Variants in UGT2A3 observed in about 807,000 individuals in gnomAD.
The protein encoded by UGT2A3 is UDP glucuronosyltransferase family 2 member A3, also known as UDP-glucuronosyltransferase 2A3.
In UGT2A3, 55 loss-of-function variants were observed where a neutral mutation model predicts 44.1. The observed-to-expected ratio is 1.25, with a 90% CI of 1.00 to 1.56. The LOEUF is 1.56. UGT2A3 is among the 40% of genes most tolerant of loss of function. The pLI is 0.00. For synonymous variants in UGT2A3, 243 were observed against 215.1 expected, an observed-to-expected ratio of 1.13 and a Z score of -1.13; for missense variants, 733 against 621.6, an observed-to-expected ratio of 1.18 and a Z score of -1.91.
At chr4:68,942,520 TATATATATATATATATATAC>T (rs897137355) in intron 2 of UGT2A3, among the ~76,000 whole-genome samples, 8 of 6,292 alleles carry the variant, frequency 1.3e-3, no homozygotes, top group Non-Finnish European at 5.8e-3. Context: ...TATATATATA[TATATATATATATATATATAC>T]ATTTTCCAAT....
intron 2 of UGT2A3, among the ~76,000 whole-genome samples, chr4:68,935,399 TG>T (rs1347693988): frequency 6.6e-6 from 1 of 150,490 alleles, no homozygotes; most frequent in African/African-American, 2.4e-5. Flanking sequence ...CAGCCTCTTC[TG>T]GTGATACCAG....
intron 2 of UGT2A3, among the ~76,000 whole-genome samples, chr4:68,942,461 A>G (rs1718225047): frequency 7.0e-6 from 1 of 143,288 alleles, no homozygotes; most frequent in Admixed American, 7.3e-5. Context: ...CTTTATTTCT[A>G]TTATATATTA....
At chr4:68,935,544 C>T (rs754223557) in intron 2 of UGT2A3, among the ~76,000 whole-genome samples, 18 of 150,622 alleles carry the variant, frequency 1.2e-4, no homozygotes, top group Admixed American at 2.6e-4. Context: ...CACACCAAAA[C>T]CCCATCTGTA....
intron 2 of UGT2A3, among the ~76,000 whole-genome samples, chr4:68,942,504 GAT>G (rs34118122): frequency 0.013 from 1,707 of 130,768 alleles, 32 homozygotes; most frequent in African/African-American, 0.048. Flanking sequence ...TTCCACTGGA[GAT>G]ATATATATAT....
chr4:68,930,479 A>G (rs1717688241), intron 5 of UGT2A3, 67 bp downstream of exon 5: 1 of 1,391,918 alleles, frequency 7.2e-7, no homozygotes. Context: ...GATGATATTT[A>G]ACATTTTCTG....
rs117745632 is a variant in UGT2A3 at position 68,944,555 on chromosome 4, G to C, written c.864+751C>G. On this transcript the variant is annotated intron_variant, in intron 2 of 5. Coordinates refer to ENST00000251566, the MANE Select transcript of UGT2A3 (RefSeq NM_024743.4). ...TTTCCTCTGATGATTTAGGAATATA[G>C]TATACAATTTTATTTTCACTCCAAA... Among the ~76,000 whole-genome samples the C allele has an allele frequency of 5.9e-3, 896 of 151,850 alleles. 38 individuals are homozygous for C. The East Asian group carries it at 0.11, about 19-fold the overall frequency.
At chr4:68,948,823 C>G (rs10006282) in intron 1 of UGT2A3, among the ~76,000 whole-genome samples, 1 of 151,572 alleles carries the variant, frequency 6.6e-6, no homozygotes, top group African/African-American at 2.4e-5. Context: ...TACAAAGGAA[C>G]AACTGAGGCT....
rs140403131 is a variant in UGT2A3 at position 68,951,086 on chromosome 4, G to A, written c.675C>T (p.Tyr225=). The A allele has an allele frequency of 3.7e-4, 587 of 1,605,880 alleles. 7 individuals carry two copies. The highest frequency in any genetic ancestry group is 3.5e-3 in the South Asian group (312 of 89,568). Residue 225 remains tyrosine, a synonymous_variant, in exon 1 of 6, where the codon TAC becomes TAT. Transcript: ENST00000251566. ...SVLFHFWIQD[Y]DYHFWEEFYS... is the part of the protein sequence containing the mutation. ...AAAACTCTTCCCAAAAATGATAGTC[G>A]TAATCCTGAATCCAGAAGTGGAACA...
intron 2 of UGT2A3, among the ~76,000 whole-genome samples, chr4:68,942,690 C>A (rs13132528): frequency 2.0e-5 from 3 of 150,772 alleles, no homozygotes; most frequent in African/African-American, 4.9e-5. Flanking sequence ...ATCCCTTATA[C>A]GTGGAATCAA....
intron 1 of UGT2A3, among the ~76,000 whole-genome samples, chr4:68,949,595 C>G (rs541070619): frequency 6.6e-6 from 1 of 151,836 alleles, no homozygotes; most frequent in African/African-American, 2.4e-5. Context: ...GGAAATATTA[C>G]GCCAAATTGA....
intron 2 of UGT2A3, among the ~76,000 whole-genome samples, chr4:68,935,918 G>T (rs183969227): frequency 6.6e-6 from 1 of 151,894 alleles, no homozygotes; most frequent in East Asian, 1.9e-4. Context: ...TGACACATGC[G>T]CAAGCTTCAA....
intron 2 of UGT2A3, among the ~76,000 whole-genome samples, chr4:68,933,315 T>C (rs532849281): frequency 1.3e-5 from 2 of 152,058 alleles, no homozygotes; most frequent in African/African-American, 4.8e-5. Context: ...CAAACCAAAA[T>C]AGCATCAGTC....
At chr4:68,950,973 T>A in intron 1 of UGT2A3, 73 bp downstream of exon 1, 1 of 1,103,434 alleles carries the variant, frequency 9.1e-7, no homozygotes, top group Non-Finnish European at 1.3e-6. Context: ...ATATATGTCA[T>A]AGACAATGTA....
intron 2 of UGT2A3, among the ~76,000 whole-genome samples, chr4:68,942,874 A>T (rs1718251261): frequency 6.6e-6 from 1 of 151,688 alleles, no homozygotes; most frequent in African/African-American, 2.4e-5. Context: ...GTAATGTATT[A>T]CATATTTCAA....
In UGT2A3 at chr4:68,930,689, A is replaced by G; in HGVS notation, c.1161T>C (p.Pro387=). 1.2e-6 allele frequency: 2 copies of G among 1,613,342 alleles called. No homozygotes were observed. The highest frequency in any genetic ancestry group is 1.7e-6 in the Non-Finnish European group (2 of 1,179,530). Residue 387 remains proline, a synonymous_variant, in exon 5 of 6, where the codon CCT becomes CCC. Coordinates refer to ENST00000251566, the MANE Select transcript of UGT2A3 (RefSeq NM_024743.4). ...CACCAAATATGGGAACTCCCACCAT[A>G]GGGACCCCATGGTAAATAGCTTCAT... ...GIYEAIYHGV[P]MVGVPIFGDQ... is the part of the protein sequence containing the mutation.
At chr4:68,930,442 A>C in intron 5 of UGT2A3, 104 bp downstream of exon 5, 2 of 1,096,360 alleles carry the variant, frequency 1.8e-6, no homozygotes, top group Non-Finnish European at 1.3e-6. Context: ...AATATTGTGG[A>C]GTAAAATCCC....
At chr4:68,946,078 G>T (rs1420906292) in intron 1 of UGT2A3, among the ~76,000 whole-genome samples, 1 of 151,506 alleles carries the variant, frequency 6.6e-6, no homozygotes, top group Non-Finnish European at 1.5e-5. Context: ...GGGTTGTGAA[G>T]CACCTATGTA....
intron 1 of UGT2A3, among the ~76,000 whole-genome samples, chr4:68,946,009 C>A (rs1217252573): frequency 5.3e-5 from 8 of 151,464 alleles, no homozygotes; most frequent in Admixed American, 2.0e-4. Flanking sequence ...AATTAATAGG[C>A]TACTGTTTTA....
Position 68,934,164 on chromosome 4 carries a change from G to C in UGT2A3, c.865-1405C>G, listed in dbSNP as rs144600919. 1.7e-3 allele frequency among the ~76,000 whole-genome samples: 262 copies of C among 151,884 alleles called. 1 individual carries two copies. The highest frequency in any genetic ancestry group is 6.0e-3 in the African/African-American group (248 of 41,472). On this transcript the variant is annotated intron_variant, in intron 2 of 5. Coordinates refer to ENST00000251566, the MANE Select transcript of UGT2A3 (RefSeq NM_024743.4). The stretch of plus-strand genomic sequence containing the variant: ...ACATCAAATTCACAATAATCTCTTT[G>C]ACAAGTTCAGGAATCACATAAACTA...
Sources: allele counts gnomAD v4.1 joint callset (sites outside exome capture counted in the v4.1 genomes callset), GRCh38; gene constraint gnomAD v4.1.1; transcripts MANE v1.5; gene names NCBI Gene and HGNC (gene_info 2026-07-23, HGNC 2026-07-21).